The following ASTN2 variants were observed in gnomAD, a reference collection of about 807,000 sequenced individuals.
ASTN2 encodes the protein astrotactin 2, also known as astrotactin-2.
Under a neutral mutation model 139.8 loss-of-function variants are expected in ASTN2, and 54 were observed. The observed-to-expected ratio is 0.39, with a 90% CI of 0.31 to 0.48. The LOEUF is 0.48. ASTN2 is among the 20% of genes least tolerant of loss of function. The probability of loss-of-function intolerance (pLI) is 0.95; values close to 1 mark genes in which losing one functional copy is unlikely to be tolerated. For missense variants in ASTN2, 1,565 were observed against 1,725.1 expected (o/e 0.91, Z 1.64); for synonymous variants, 756 against 719.5 (o/e 1.05, Z -0.81).
At chr9:116,740,551 C>T (rs933683020) in intron 13 of ASTN2, among the ~76,000 whole-genome samples, 7 of 151,972 alleles carry the variant, frequency 4.6e-5, no homozygotes, top group Admixed American at 2.0e-4. Flanking sequence ...CTTGCTCTGT[C>T]GCCCAGGCTG....
chr9:117,303,452 G>A (rs1359094427), intron 1 of ASTN2, among the ~76,000 whole-genome samples: 3 of 152,082 alleles, frequency 2.0e-5, no homozygotes, highest in Admixed American at 6.5e-5. Context: ...TGTTTTACCT[G>A]TCCCCTACCC....
chr9:117,050,687 C>T (rs1838890064), intron 5 of ASTN2, among the ~76,000 whole-genome samples: 1 of 152,122 alleles, frequency 6.6e-6, no homozygotes, highest in South Asian at 2.1e-4. Context: ...AAAGCTTCCT[C>T]AGCTGATCCT....
chr9:117,095,902 G>T, intron 5 of ASTN2, 142 bp downstream of exon 5: 1 of 680,322 alleles, frequency 1.5e-6, no homozygotes. Flanking sequence ...CATATAGCCA[G>T]GGCAACAGAT....
chr9:116,618,902 C>T lies in ASTN2; in HGVS notation c.3207-430G>A, dbSNP rs548134637. On this transcript the variant is annotated intron_variant, in intron 18 of 22. Transcript: ENST00000313400. ...TTTTTAATATCCTTAAGTAAATACA[C>T]TATTGGAAGGAGCAAAAATCCTGGA... Among the ~76,000 whole-genome samples, 5 of 151,954 alleles carry T rather than the reference C, an allele frequency of 3.3e-5. No homozygotes were observed. The South Asian group carries it at 8.3e-4, about 25-fold the overall frequency.
At chr9:117,264,037 G>T (rs948106042) in intron 2 of ASTN2, among the ~76,000 whole-genome samples, 1 of 150,560 alleles carries the variant, frequency 6.6e-6, no homozygotes, top group Non-Finnish European at 1.5e-5. Context: ...CTTATGACCT[G>T]GTCTCAAAAT....
chr9:116,725,112 C>G (rs1295046268), intron 16 of ASTN2, among the ~76,000 whole-genome samples: 1 of 152,140 alleles, frequency 6.6e-6, no homozygotes, highest in Non-Finnish European at 1.5e-5. Flanking sequence ...AGAATAGCTA[C>G]TTACGTACCC....
chr9:116,565,387 CCATATA>C (rs1332841402), intron 19 of ASTN2, among the ~76,000 whole-genome samples: 1,966 of 41,884 alleles, frequency 0.047, 109 homozygotes, highest in Middle Eastern at 0.068. Context: ...CTCTCTCTCT[CCATATA>C]TATATATATA....
intron 1 of ASTN2, among the ~76,000 whole-genome samples, chr9:117,358,406 A>G (rs1829602872): frequency 7.6e-6 from 1 of 131,144 alleles, no homozygotes; most frequent in Non-Finnish European, 1.7e-5. Context: ...CATCCCCTGA[A>G]TGAGTGTAAC....
intron 17 of ASTN2, among the ~76,000 whole-genome samples, chr9:116,650,125 G>T (rs1857827125): frequency 6.6e-6 from 1 of 152,168 alleles, no homozygotes; most frequent in Non-Finnish European, 1.5e-5. Context: ...ACTAGACTTA[G>T]TCAGTGGTCT....
intron 1 of ASTN2, among the ~76,000 whole-genome samples, chr9:117,376,024 C>T (rs542054968): frequency 2.5e-4 from 38 of 152,230 alleles, no homozygotes; most frequent in Admixed American, 9.8e-4. Context: ...TTACATAGGG[C>T]CCACCTAGAT....
At chr9:117,359,300 A>T (rs1413798367) in intron 1 of ASTN2, among the ~76,000 whole-genome samples, 1 of 152,170 alleles carries the variant, frequency 6.6e-6, no homozygotes, top group Non-Finnish European at 1.5e-5. Context: ...ATAAAAAAAG[A>T]TTGTAGACAT....
intron 17 of ASTN2, among the ~76,000 whole-genome samples, chr9:116,638,545 A>T (rs79821993): frequency 9.2e-5 from 14 of 151,646 alleles, no homozygotes; most frequent in Non-Finnish European, 1.2e-4. Flanking sequence ...CAAAAAAAAA[A>T]CCATCAAGCC....
At chr9:117,184,632 G>C (rs1249942610) in intron 3 of ASTN2, among the ~76,000 whole-genome samples, 1 of 152,176 alleles carries the variant, frequency 6.6e-6, no homozygotes, top group African/African-American at 2.4e-5. Flanking sequence ...GTTCGCATGA[G>C]AGAATGTCTT....
chr9:116,914,148 G>A (rs997040947), intron 10 of ASTN2, among the ~76,000 whole-genome samples: 7 of 151,606 alleles, frequency 4.6e-5, no homozygotes, highest in Non-Finnish European at 1.0e-4. Context: ...AGAAGAACTC[G>A]TGCTATGGGG....
chr9:117,330,326 A>C (rs1273837221), intron 1 of ASTN2, among the ~76,000 whole-genome samples: 1 of 152,206 alleles, frequency 6.6e-6, no homozygotes, highest in African/African-American at 2.4e-5. Context: ...GTGAAAGAGA[A>C]ATTAGCCAGA....
rs1847259582 is a variant in ASTN2, at chr9:116,424,726, C to A, written c.*1125G>T. Among the ~76,000 whole-genome samples the A allele has an allele frequency of 6.6e-6, 1 of 152,080 alleles. No individual in the cohort carries two copies. Reference sequence around the variant, plus strand: ...CCAAGTAGCTGGGATTGATTACAGGCACGTGCCACCATGCCCTGCTATTTT... The same window carrying A: ...CCAAGTAGCTGGGATTGATTACAGGAACGTGCCACCATGCCCTGCTATTTT... On this transcript the variant is annotated 3_prime_UTR_variant, in exon 23 of 23. Coordinates refer to ENST00000313400, the MANE Select transcript of ASTN2 (RefSeq NM_001365068.1).
At chr9:116,515,073 C>T (rs1850586651) in intron 19 of ASTN2, among the ~76,000 whole-genome samples, 1 of 152,194 alleles carries the variant, frequency 6.6e-6, no homozygotes, top group Admixed American at 6.5e-5. Flanking sequence ...GAAATCACCT[C>T]TCTTCTGCGT....
intron 20 of ASTN2, among the ~76,000 whole-genome samples, chr9:116,469,868 T>A (rs1848759621): frequency 6.6e-6 from 1 of 152,282 alleles, no homozygotes; most frequent in East Asian, 1.9e-4. Flanking sequence ...GTGAGGTACA[T>A]AATTTAGATT....
intron 16 of ASTN2, among the ~76,000 whole-genome samples, chr9:116,703,495 A>C (rs1827904670): frequency 6.7e-6 from 1 of 150,260 alleles, no homozygotes. Flanking sequence ...CAAACACCGC[A>C]TATTCTCACT....
Sources: allele counts gnomAD v4.1 joint callset (sites outside exome capture counted in the v4.1 genomes callset), GRCh38; gene constraint gnomAD v4.1.1; transcripts MANE v1.5; gene names NCBI Gene and HGNC (gene_info 2026-07-23, HGNC 2026-07-21).